Variants in NUP133 observed in about 807,000 individuals in gnomAD.
NUP133 encodes the protein nuclear pore complex protein Nup133.
In NUP133, 66 loss-of-function variants were observed where a neutral mutation model predicts 146.2. The observed-to-expected ratio is 0.45, with a 90% CI of 0.37 to 0.55. NUP133 has a LOEUF of 0.55. Ranked by LOEUF, NUP133 falls within the 20% of genes least tolerant of loss-of-function variation. The pLI is 0.00. For missense variants in NUP133, 1,277 were observed against 1,374.8 expected (o/e 0.93, Z 1.12); for synonymous variants, 521 against 498.8 (o/e 1.04, Z -0.59).
chr1:229,499,750 A>G lies in NUP133; in HGVS notation c.582T>C (p.Asp194=), dbSNP rs1460164667. ...IRYWPSLAGE[D]TYTEAFVDSG... ...AATCTACAAAAGCCTCTGTGTAGGT[A>G]TCTTCACCAGCAAGGCTTGGCCAAT... Residue 194 remains aspartate, a synonymous_variant, in exon 5 of 26, where the codon GAT becomes GAC. Coordinates refer to ENST00000261396, the MANE Select transcript of NUP133 (RefSeq NM_018230.3). The G allele has an allele frequency of 6.2e-7, 1 of 1,614,010 alleles. No homozygotes were observed. Among genetic ancestry groups the G allele is most frequent in the East Asian group, 2.2e-5 (1 of 44,904 alleles).
intron 11 of NUP133, among the ~76,000 whole-genome samples, chr1:229,485,469 A>G (rs1169058637): frequency 6.6e-6 from 1 of 152,196 alleles, no homozygotes; most frequent in Admixed American, 6.5e-5. Flanking sequence ...AAAATACAAA[A>G]CGAGGTCATT....
intron 15 of NUP133, among the ~76,000 whole-genome samples, chr1:229,468,388 G>A (rs1018120773): frequency 3.3e-5 from 5 of 152,108 alleles, no homozygotes; most frequent in African/African-American, 1.2e-4. Flanking sequence ...TGATCATTAT[G>A]ACACGGGAGA....
intron 12 of NUP133, among the ~76,000 whole-genome samples, chr1:229,482,423 C>T (rs1027351696): frequency 4.6e-5 from 7 of 151,992 alleles, no homozygotes; most frequent in African/African-American, 1.2e-4. Context: ...CTCAATACTT[C>T]GAAAAGGAAG....
Position 229,502,558 on chromosome 1 carries a change from CAAAAA to C in NUP133, c.302-461_302-457del, listed in dbSNP as rs58520087. On this transcript the variant is annotated intron_variant, in intron 2 of 25. Transcript: ENST00000261396. ...TGGGCAACAGAGCCAGACTCCATCT[CAAAAA>C]AAAAAAAAAAAAAAAAAGAAAGAAA... 3.0e-3 allele frequency among the ~76,000 whole-genome samples: 128 copies of C among 43,088 alleles called. 1 individual carries two copies. The highest frequency in any genetic ancestry group is 2.8e-3 in the Non-Finnish European group (66 of 23,232). 28.3% of individuals were successfully genotyped at this position (43,088 alleles called of 152,430 possible). A position where few individuals can be genotyped will look rare whatever the true frequency, so the allele number is the denominator to read the frequency against.
rs1303924273 is a variant in NUP133, at chr1:229,466,615, C to T, written c.2199+19G>A. 3 of 1,613,666 alleles carry T rather than the reference C, an allele frequency of 1.9e-6. No homozygotes were observed. The highest frequency in any genetic ancestry group is 2.5e-6 in the Non-Finnish European group (3 of 1,179,772). On this transcript the variant is annotated intron_variant, in intron 16 of 25. Coordinates refer to ENST00000261396, the MANE Select transcript of NUP133 (RefSeq NM_018230.3). ...GCCCTGGGCTTTGATTTGCTGAAGC[C>T]TTTACTATATTTTTGTACCTTGAGA...
intron 8 of NUP133, among the ~76,000 whole-genome samples, chr1:229,493,351 T>C (rs1023579336): frequency 2.6e-5 from 4 of 152,278 alleles, no homozygotes; most frequent in Admixed American, 2.6e-4. Flanking sequence ...TAATTTTTTA[T>C]TTTTATTTGC....
rs1312634471 is a variant in NUP133 at position 229,465,423 on chromosome 1, T to G, written c.2296A>C (p.Thr766Pro). 6.3e-7 allele frequency: 1 copy of G among 1,596,570 alleles called. No individual in the cohort carries two copies. The change falls in exon 17 of 26, where the codon ACG becomes CCG. Residue 766 changes from threonine (T) to proline (P), a missense_variant. Around this residue, in one of 3 missense-constraint regions of NUP133, gnomAD observed 952 missense variants for 1,047.0 expected, o/e 0.91. Transcript: ENST00000261396. ...TGTTAATAAATCAGTATATTACCCG[T>G]CCATGGAACATATTCAGGTTCTTTT... is the stretch of plus-strand genomic sequence containing the variant. Reference protein sequence around the residue: ...LEKEPEYVPWTATSGPGGIRT... With the variant: ...LEKEPEYVPWPATSGPGGIRT...
chr1:229,465,352 A>T, intron 17 of NUP133, 68 bp downstream of exon 17: 1 of 1,271,534 alleles, frequency 7.9e-7, no homozygotes, highest in East Asian at 2.3e-5. Flanking sequence ...GGGGAATAAC[A>T]CAACTTCTAA....
Position 229,506,449 on chromosome 1 carries a change from G to GTTT in NUP133, c.183-294_183-292dup, listed in dbSNP as rs35852954. Among the ~76,000 whole-genome samples, 250 of 107,396 alleles carry GTTT rather than the reference G, an allele frequency of 2.3e-3. 3 individuals carry two copies. Among genetic ancestry groups the GTTT allele is most frequent in the South Asian group, 0.01 (31 of 3,034 alleles). 70.5% of individuals were successfully genotyped at this position (107,396 alleles called of 152,430 possible). A position where few individuals can be genotyped will look rare whatever the true frequency, so the allele number is the denominator to read the frequency against. On this transcript the variant is annotated intron_variant, in intron 1 of 25. Coordinates refer to ENST00000261396, the MANE Select transcript of NUP133 (RefSeq NM_018230.3). ...TGAAATAAGGCTTAACTAGACCAGT[G>GTTT]TTTTTTTTTTTTTTTTTTCAAACAG...
At chr1:229,477,513 A>G (rs972257131) in intron 13 of NUP133, 84 bp downstream of exon 13, 1 of 1,067,176 alleles carries the variant, frequency 9.4e-7, no homozygotes, top group East Asian at 2.7e-5. Context: ...TTGAGAAGCT[A>G]AAAAATATGC....
intron 21 of NUP133, among the ~76,000 whole-genome samples, chr1:229,453,366 T>A (rs1484607176): frequency 6.6e-6 from 1 of 152,218 alleles, no homozygotes; most frequent in Non-Finnish European, 1.5e-5. Flanking sequence ...CCACTTCTTG[T>A]AATGTCACGA....
At chr1:229,452,242 C>T (rs1172951968) in intron 22 of NUP133, among the ~76,000 whole-genome samples, 17 of 152,126 alleles carry the variant, frequency 1.1e-4, no homozygotes, top group Admixed American at 1.1e-3. Context: ...TCTCATGGTA[C>T]TTATTTGTCC....
At position 229,477,704 on chromosome 1, in the gene NUP133, T is replaced by A; in HGVS notation, c.1649A>T (p.Asp550Val). Residue 550 changes from aspartate to valine, a missense_variant, in exon 13 of 26, where the codon GAT becomes GTT. By Grantham distance (152) the Asp-to-Val change is radical (BLOSUM62 -3). Coordinates refer to ENST00000261396, the MANE Select transcript of NUP133 (RefSeq NM_018230.3). ...VVDELFSSHS[D>V]LDSDSELDRA... ...GTCTAGTTCAGAATCAGAATCCAAA[T>A]CAGAGTGAGAGGAAAAGAGCTCATC... is the stretch of plus-strand genomic sequence containing the variant. The A allele has an allele frequency of 1.9e-6, 3 of 1,613,824 alleles. 1 individual carries two copies. Among genetic ancestry groups the A allele is most frequent in the South Asian group, 2.2e-5 (2 of 91,060 alleles).
At chr1:229,463,913 A>C (rs559596120) in intron 18 of NUP133, among the ~76,000 whole-genome samples, 200 of 152,234 alleles carry the variant, frequency 1.3e-3, no homozygotes, top group African/African-American at 4.7e-3. Flanking sequence ...TGGGAGGCTG[A>C]GGCGGGTGGA....
intron 25 of NUP133, 90 bp downstream of exon 25, chr1:229,444,820 CTGAG>C: frequency 1.3e-6 from 1 of 790,730 alleles, no homozygotes; most frequent in Non-Finnish European, 2.1e-6. Flanking sequence ...GCACTCCAGC[CTGAG>C]TGACAGAGCA....
At chr1:229,460,822 T>C in intron 19 of NUP133, 53 bp from the exon 20 acceptor site, 1 of 1,490,180 alleles carries the variant, frequency 6.7e-7, no homozygotes, top group South Asian at 1.2e-5. Context: ...AAAACACATT[T>C]CTGATAACAA....
At chr1:229,476,810 G>GT (rs1661083227) in intron 13 of NUP133, among the ~76,000 whole-genome samples, 2 of 151,918 alleles carry the variant, frequency 1.3e-5, no homozygotes, top group African/African-American at 4.8e-5. Flanking sequence ...TGTAATCTCA[G>GT]CTACTCAGGA....
chr1:229,484,015 A>G (rs1432792822), intron 12 of NUP133, 39 bp downstream of exon 12: 3 of 1,403,606 alleles, frequency 2.1e-6, no homozygotes, highest in Non-Finnish European at 3.0e-6. Context: ...ACATATCCTC[A>G]CACATAAAAT....
At chr1:229,489,061 C>T (rs954029425) in intron 9 of NUP133, among the ~76,000 whole-genome samples, 1 of 152,112 alleles carries the variant, frequency 6.6e-6, no homozygotes, top group Non-Finnish European at 1.5e-5. Context: ...TATAATCTTC[C>T]TTTGGGTAAA....
Sources: gnomAD v4.1 joint callset for allele counts (sites outside exome capture counted in the v4.1 genomes callset) on GRCh38, gnomAD v4.1.1 for gene constraint, gnomAD v4.1.1 regional missense constraint, MANE v1.5 for transcripts, NCBI Gene and HGNC (gene_info 2026-07-23, HGNC 2026-07-21) for gene names.